The following SEMA3A variants were observed in gnomAD, a reference collection of about 807,000 sequenced individuals.
The protein encoded by SEMA3A is semaphorin 3A, also known as semaphorin-3A.
Under a neutral mutation model 97.9 loss-of-function variants are expected in SEMA3A, and 29 were observed. The observed-to-expected ratio is 0.30, with a 90% CI of 0.22 to 0.40. The LOEUF is 0.40. SEMA3A is among the 10% of genes least tolerant of loss of function. SEMA3A has a pLI of 1.00. For synonymous variants in SEMA3A, 321 were observed against 323.7 expected, an observed-to-expected ratio of 0.99 and a Z score of 0.09; for missense variants, 763 against 951.3, an observed-to-expected ratio of 0.80 and a Z score of 2.60.
At chr7:84,220,552 T>C (rs1185493943) in intron 3 of SEMA3A, among the ~76,000 whole-genome samples, 2 of 152,182 alleles carry the variant, frequency 1.3e-5, no homozygotes, top group Non-Finnish European at 2.9e-5. Flanking sequence ...TCTTAACTAA[T>C]AAGACTTGAA....
At chr7:84,480,368 C>T (rs138204065) in intron 1 of SEMA3A, among the ~76,000 whole-genome samples, 4 of 152,264 alleles carry the variant, frequency 2.6e-5, no homozygotes, top group African/African-American at 9.6e-5. Context: ...AATAGTAACA[C>T]AAAAACATTA....
chr7:84,266,566 G>C (rs1800009620), intron 3 of SEMA3A, among the ~76,000 whole-genome samples: 1 of 151,684 alleles, frequency 6.6e-6, no homozygotes, highest in South Asian at 2.1e-4. Flanking sequence ...CAGAGAGAAA[G>C]GTGTACTACT....
At chr7:83,962,820 TAAAGAA>T (rs1788523542) in intron 16 of SEMA3A, among the ~76,000 whole-genome samples, 1 of 152,148 alleles carries the variant, frequency 6.6e-6, no homozygotes, top group African/African-American at 2.4e-5. Context: ...AGGTAATGGA[TAAAGAA>T]AAACAGATTT....
intron 1 of SEMA3A, among the ~76,000 whole-genome samples, chr7:84,453,278 C>A (rs2116370005): frequency 6.6e-6 from 1 of 150,910 alleles, no homozygotes; most frequent in Admixed American, 6.6e-5. Flanking sequence ...CGCTGTCGCC[C>A]AGGCTGGAGT....
intron 12 of SEMA3A, among the ~76,000 whole-genome samples, chr7:83,995,111 C>G (rs901683873): frequency 6.6e-6 from 1 of 152,138 alleles, no homozygotes; most frequent in East Asian, 1.9e-4. Flanking sequence ...TTCTTTGACT[C>G]GGAAAAGGAA....
intron 1 of SEMA3A, among the ~76,000 whole-genome samples, chr7:84,184,699 C>G (rs1026792890): frequency 1.3e-5 from 2 of 151,832 alleles, no homozygotes; most frequent in African/African-American, 2.4e-5. Context: ...GCTGATCAGA[C>G]CCTGCACCCA....
At chr7:84,398,259 T>C (rs1202820501) in intron 1 of SEMA3A, among the ~76,000 whole-genome samples, 1 of 152,200 alleles carries the variant, frequency 6.6e-6, no homozygotes, top group Non-Finnish European at 1.5e-5. Context: ...CTACAATTTA[T>C]TGTGTGTATG....
intron 3 of SEMA3A, among the ~76,000 whole-genome samples, chr7:84,261,831 C>T (rs1388904739): frequency 1.3e-5 from 2 of 152,258 alleles, no homozygotes; most frequent in Non-Finnish European, 2.9e-5. Context: ...GAGCAAAACC[C>T]AGGCAAAGGT....
chr7:84,070,733 G>C (rs1263542056), intron 4 of SEMA3A, among the ~76,000 whole-genome samples: 1 of 151,756 alleles, frequency 6.6e-6, no homozygotes, highest in Non-Finnish European at 1.5e-5. Flanking sequence ...ATATTCCCCT[G>C]GTCATGCCAT....
intron 3 of SEMA3A, among the ~76,000 whole-genome samples, chr7:84,228,840 A>T (rs1321151277): frequency 6.6e-6 from 1 of 152,014 alleles, no homozygotes; most frequent in Non-Finnish European, 1.5e-5. Flanking sequence ...TTTAAGTCCT[A>T]TGGTTGATCA....
At chr7:84,320,301 A>G (rs1316995382) in intron 2 of SEMA3A, among the ~76,000 whole-genome samples, 15 of 152,078 alleles carry the variant, frequency 9.9e-5, no homozygotes, top group Admixed American at 9.8e-4. Flanking sequence ...TCCATCTTAA[A>G]TTAATAATCT....
chr7:84,324,984 AG>A (rs1183697040), intron 2 of SEMA3A, among the ~76,000 whole-genome samples: 1 of 152,180 alleles, frequency 6.6e-6, no homozygotes, highest in Non-Finnish European at 1.5e-5. Context: ...AAAGACAAAA[AG>A]ATACTTTATA....
In SEMA3A at chr7:84,148,998, C is replaced by G. The variant is rs143672869; in HGVS notation, c.113-14047G>C. On this transcript the variant is annotated intron_variant, in intron 1 of 16. Transcript: ENST00000265362. ...GTTAGTAGTTAAGTTTTTGGATAGT[C>G]AAAAGTTATATGTGGATTTTTGACT... Among the ~76,000 whole-genome samples, 118 of 152,200 alleles carry G rather than the reference C, an allele frequency of 7.8e-4. 1 individual carries two copies. The highest frequency in any genetic ancestry group is 6.8e-3 in the Middle Eastern group (2 of 294).
intron 15 of SEMA3A, among the ~76,000 whole-genome samples, chr7:83,976,292 T>G (rs975534796): frequency 6.6e-6 from 1 of 152,116 alleles, no homozygotes; most frequent in African/African-American, 2.4e-5. Flanking sequence ...TGATAAATAT[T>G]AACTACTTTT....
At chr7:84,288,378 C>G (rs528681215) in intron 3 of SEMA3A, among the ~76,000 whole-genome samples, 1 of 152,214 alleles carries the variant, frequency 6.6e-6, no homozygotes, top group South Asian at 2.1e-4. Context: ...TTAAAATAGT[C>G]AGGACATAAG....
intron 1 of SEMA3A, among the ~76,000 whole-genome samples, chr7:84,177,782 T>G (rs1358305221): frequency 6.6e-6 from 1 of 152,130 alleles, no homozygotes; most frequent in African/African-American, 2.4e-5. Flanking sequence ...CAACATCTTT[T>G]GTTTTCTCTG....
intron 1 of SEMA3A, among the ~76,000 whole-genome samples, chr7:84,160,913 T>C (rs1797011176): frequency 6.6e-6 from 1 of 151,354 alleles, no homozygotes; most frequent in Non-Finnish European, 1.5e-5. Flanking sequence ...ATAAAATAAT[T>C]CCATAGGATA....
chr7:84,148,623 A>G (rs1208142848), intron 1 of SEMA3A, among the ~76,000 whole-genome samples: 4 of 152,152 alleles, frequency 2.6e-5, no homozygotes, highest in Non-Finnish European at 4.4e-5. Flanking sequence ...TCATTGATAT[A>G]TTATAACTTT....
intron 3 of SEMA3A, among the ~76,000 whole-genome samples, chr7:84,224,466 G>T (rs1798945104): frequency 6.6e-6 from 1 of 151,776 alleles, no homozygotes; most frequent in African/African-American, 2.4e-5. Context: ...CACACCAAAG[G>T]GTAAGAGGTC....
Sources: gnomAD v4.1 joint callset for allele counts (sites outside exome capture counted in the v4.1 genomes callset) on GRCh38, gnomAD v4.1.1 for gene constraint, MANE v1.5 for transcripts, NCBI Gene and HGNC (gene_info 2026-07-23, HGNC 2026-07-21) for gene names.